Variants in H2AC14 observed in about 807,000 individuals in gnomAD.
H2AC14 encodes the protein histone cluster 1, H2aj.
In H2AC14, 6 loss-of-function variants were observed where a neutral mutation model predicts 5.7. That is an observed-to-expected ratio of 1.05 (90% CI 0.57 to 2.07). The LOEUF is 2.07. Among genes scored for constraint, H2AC14 ranks in the 30% most tolerant of loss-of-function variants. The pLI is 0.00. For synonymous variants in H2AC14, 121 were observed against 79.3 expected, an observed-to-expected ratio of 1.53 and a Z score of -2.80; for missense variants, 136 against 174.6, an observed-to-expected ratio of 0.78 and a Z score of 1.25.
Position 27,814,448 on chromosome 6 carries a change from AGAAGCTTGT to A in H2AC14, c.284_292del (p.Asn95_Leu98delinsMet). Reference sequence around the variant, plus strand: ...ACCCTGTGCGATGGTGACTTTGCCCAGAAGCTTGTTGAGCTCCTCATCGTTGCGGATGGC... The same window carrying A: ...ACCCTGTGCGATGGTGACTTTGCCCATGAGCTCCTCATCGTTGCGGATGGC... On this transcript the variant is annotated inframe_deletion, in exon 1 of 1. Transcript: ENST00000333151. 1 of 1,614,110 alleles carries A rather than the reference AGAAGCTTGT, an allele frequency of 6.2e-7. No homozygotes were observed.
chr6:27,814,671 G>A lies in H2AC14; in HGVS notation c.70C>T (p.Leu24Phe). The A allele has an allele frequency of 1.3e-6, 2 of 1,549,082 alleles. No individual in the cohort carries two copies. Among genetic ancestry groups the A allele is most frequent in the Non-Finnish European group, 8.7e-7 (1 of 1,152,090 alleles). The change falls in exon 1 of 1, where the codon CTT becomes TTT. Residue 24 changes from leucine (L) to phenylalanine (F), a missense_variant. Physicochemically the swap from Leu to Phe is conservative, Grantham distance 22. This residue lies in a region of H2AC14 where 100 missense variants were observed against 152.3 expected (regional missense o/e 0.66). Coordinates refer to ENST00000333151, the MANE Select transcript of H2AC14 (RefSeq NM_021066.3). The part of the protein sequence containing the change: ...KAKTRSSRAG[L>F]QFPVGRVHRL... ...TGCACTCGGCCTACGGGAAACTGAA[G>A]CCCGGCCCGAGAAGAGCGGGTCTTG...
Position 27,814,761 on chromosome 6 carries a change from T to C in H2AC14, c.-21A>G, listed in dbSNP as rs1760627093. ...GACATGGCAAAAGGTCTATTACCTT[T>C]ACGGTCAAGAAAGACTGAAATGAAA... On this transcript the variant is annotated 5_prime_UTR_variant, in exon 1 of 1. Coordinates refer to ENST00000333151, the MANE Select transcript of H2AC14 (RefSeq NM_021066.3). The C allele has an allele frequency of 1.3e-6, 2 of 1,530,392 alleles. No individual in the cohort carries two copies. Among genetic ancestry groups the C allele is most frequent in the Non-Finnish European group, 1.8e-6 (2 of 1,141,458 alleles). The allele number at this position is 1,530,392 out of a possible 1,614,324, so 94.8% of individuals were successfully genotyped here.
rs773548700 is a variant in H2AC14 at position 27,814,767 on chromosome 6, CAAGA to C, written c.-31_-28del. Reference sequence around the variant, plus strand: ...GCAAAAGGTCTATTACCTTTACGGTCAAGAAAGACTGAAATGAAATTGGAAAAAC... The same window carrying C: ...GCAAAAGGTCTATTACCTTTACGGTCAAGACTGAAATGAAATTGGAAAAAC... On this transcript the variant is annotated 5_prime_UTR_variant, in exon 1 of 1. Coordinates refer to ENST00000333151, the MANE Select transcript of H2AC14 (RefSeq NM_021066.3). 9.2e-6 allele frequency: 14 copies of C among 1,524,326 alleles called. No homozygotes were observed. Among genetic ancestry groups the C allele is most frequent in the East Asian group, 2.3e-5 (1 of 44,108 alleles). The allele number at this position is 1,524,326 out of a possible 1,614,324, so 94.4% of individuals were successfully genotyped here.
In H2AC14 at chr6:27,814,715, C is replaced by T. The variant is rs377642129; in HGVS notation, c.26G>A (p.Gly9Asp). 6 of 1,565,366 alleles carry T rather than the reference C, an allele frequency of 3.8e-6. No homozygotes were observed. Among genetic ancestry groups the T allele is most frequent in the African/African-American group, 1.4e-5 (1 of 73,086 alleles). MSGRGKQG[G>D]KARAKAKTRS... is the part of the protein sequence containing the mutation. ...GGTCTTGGCCTTGGCGCGAGCTTTG[C>T]CTCCCTGCTTACCACGCCCAGACAT... Residue 9 changes from glycine to aspartate, a missense_variant, in exon 1 of 1, where the codon GGC becomes GAC. Coordinates refer to ENST00000333151, the MANE Select transcript of H2AC14 (RefSeq NM_021066.3).
In H2AC14 at chr6:27,814,759, T is replaced by C; in HGVS notation, c.-19A>G. On this transcript the variant is annotated 5_prime_UTR_variant, in exon 1 of 1. Transcript: ENST00000333151. ...CAGACATGGCAAAAGGTCTATTACCTTTACGGTCAAGAAAGACTGAAATGA... is the reference window on the plus strand; with the variant it reads ...CAGACATGGCAAAAGGTCTATTACCCTTACGGTCAAGAAAGACTGAAATGA... The C allele has an allele frequency of 3.9e-6, 6 of 1,531,618 alleles. No individual in the cohort carries two copies. The highest frequency in any genetic ancestry group is 5.3e-6 in the Non-Finnish European group (6 of 1,142,086). The allele number at this position is 1,531,618 out of a possible 1,614,324, so 94.9% of individuals were successfully genotyped here.
rs201386125 is a variant in H2AC14, at chr6:27,814,387, T to G, written c.354A>C (p.Pro118=). The G allele has an allele frequency of 1.1e-4, 181 of 1,614,078 alleles. No individual in the cohort carries two copies. In the East Asian group the frequency reaches 3.4e-3, roughly 31 times the overall value. ...VLPNIQAVLL[P]KKTESHHKTK ...TCTTGTGGTGGCTCTCAGTTTTCTTTGGCAGCAGCACGGCCTGGATGTTGG... is the reference window on the plus strand; with the variant it reads ...TCTTGTGGTGGCTCTCAGTTTTCTTGGGCAGCAGCACGGCCTGGATGTTGG... The change falls in exon 1 of 1, where the codon CCA becomes CCC. Residue 118 remains proline, a synonymous_variant. Transcript: ENST00000333151.
In H2AC14 at chr6:27,814,758, C is replaced by G. The variant is rs548481166; in HGVS notation, c.-18G>C. 2 of 1,532,522 alleles carry G rather than the reference C, an allele frequency of 1.3e-6. No homozygotes were observed. The highest frequency in any genetic ancestry group is 1.8e-4 in the Middle Eastern group (1 of 5,690). The allele number at this position is 1,532,522 out of a possible 1,614,324, so 94.9% of individuals were successfully genotyped here. On this transcript the variant is annotated 5_prime_UTR_variant, in exon 1 of 1. Coordinates refer to ENST00000333151, the MANE Select transcript of H2AC14 (RefSeq NM_021066.3). ...CCAGACATGGCAAAAGGTCTATTACCTTTACGGTCAAGAAAGACTGAAATG... is the reference window on the plus strand; with the variant it reads ...CCAGACATGGCAAAAGGTCTATTACGTTTACGGTCAAGAAAGACTGAAATG...
In H2AC14 at chr6:27,814,712, T is replaced by A. The variant is rs1479383786; in HGVS notation, c.29A>T (p.Lys10Ile). MSGRGKQGG[K>I]ARAKAKTRSS... ...GCGGGTCTTGGCCTTGGCGCGAGCT[T>A]TGCCTCCCTGCTTACCACGCCCAGA... Residue 10 changes from lysine (K) to isoleucine (I), a missense_variant, in exon 1 of 1, where the codon AAA (lysine) becomes ATA (isoleucine). Coordinates refer to ENST00000333151, the MANE Select transcript of H2AC14 (RefSeq NM_021066.3). The A allele has an allele frequency of 6.4e-7, 1 of 1,564,826 alleles. No homozygotes were observed.
rs747137197 is a variant in H2AC14 at position 27,814,328 on chromosome 6, T to A, written c.*26A>T. ...GAAGTGGCTCTGAAAAGAGCCTTTG[T>A]TTTTATGCGCTTTTCAACTCGGTCT... On this transcript the variant is annotated 3_prime_UTR_variant, in exon 1 of 1. Transcript: ENST00000333151. 6.2e-7 allele frequency: 1 copy of A among 1,605,852 alleles called. No homozygotes were observed. Among genetic ancestry groups the A allele is most frequent in the South Asian group, 1.1e-5 (1 of 90,170 alleles).
In H2AC14 at chr6:27,814,693, C is replaced by T. The variant is rs775494128; in HGVS notation, c.48G>A (p.Lys16=). ...KQGGKARAKA[K]TRSSRAGLQF... ...GAAGCCCGGCCCGAGAAGAGCGGGT[C>T]TTGGCCTTGGCGCGAGCTTTGCCTC... is the stretch of plus-strand genomic sequence containing the variant. The change falls in exon 1 of 1, where the codon AAG becomes AAA. Residue 16 remains lysine, a synonymous_variant. Coordinates refer to ENST00000333151, the MANE Select transcript of H2AC14 (RefSeq NM_021066.3). 25 of 1,559,426 alleles carry T rather than the reference C, an allele frequency of 1.6e-5. No individual in the cohort carries two copies. The highest frequency in any genetic ancestry group is 2.1e-5 in the Non-Finnish European group (24 of 1,155,398).
At position 27,814,338 on chromosome 6, in the gene H2AC14, C is replaced by G. The variant is rs749658664; in HGVS notation, c.*16G>C. ...TGAAAAGAGCCTTTGTTTTTATGCG[C>G]TTTTCAACTCGGTCTTTACTTAGTC... On this transcript the variant is annotated 3_prime_UTR_variant, in exon 1 of 1. Transcript: ENST00000333151. 6.2e-7 allele frequency: 1 copy of G among 1,608,624 alleles called. No individual in the cohort carries two copies. Among genetic ancestry groups the G allele is most frequent in the Non-Finnish European group, 8.5e-7 (1 of 1,177,752 alleles).
Position 27,814,495 on chromosome 6 carries a change from A to G in H2AC14, c.246T>C (p.Arg82=), listed in dbSNP as rs1760614585. The part of the protein sequence containing the change: ...RDNKKTRIIP[R]HLQLAIRNDE... Reference sequence around the variant, plus strand: ...CGTTGCGGATGGCCAGCTGGAGGTGACGCGGGATGATGCGAGTCTTCTTGT... The same window carrying G: ...CGTTGCGGATGGCCAGCTGGAGGTGGCGCGGGATGATGCGAGTCTTCTTGT... The change falls in exon 1 of 1, where the codon CGT becomes CGC. Residue 82 remains arginine (R), a synonymous_variant. Transcript: ENST00000333151. 2.5e-6 allele frequency: 4 copies of G among 1,612,530 alleles called. No individual in the cohort carries two copies.
rs200310270 is a variant in H2AC14 at position 27,814,381 on chromosome 6, T to C, written c.360A>G (p.Lys120=). 173 of 1,614,028 alleles carry C rather than the reference T, an allele frequency of 1.1e-4. No homozygotes were observed. In the East Asian group the frequency reaches 3.4e-3, roughly 32 times the overall value. The part of the protein sequence containing the change: ...PNIQAVLLPK[K]TESHHKTK ...ACTTAGTCTTGTGGTGGCTCTCAGT[T>C]TTCTTTGGCAGCAGCACGGCCTGGA... Residue 120 remains lysine (K), a synonymous_variant, in exon 1 of 1, where the codon AAA becomes AAG. Transcript: ENST00000333151.
Position 27,814,361 on chromosome 6 carries a change from G to C in H2AC14, c.380C>G (p.Thr127Ser). The change falls in exon 1 of 1, where the codon ACT becomes AGT. Residue 127 changes from threonine to serine, a missense_variant. Transcript: ENST00000333151. ...CGCTTTTCAACTCGGTCTTTACTTA[G>C]TCTTGTGGTGGCTCTCAGTTTTCTT... The part of the protein sequence containing the change: ...LPKKTESHHK[T>S]K 6.2e-7 allele frequency: 1 copy of C among 1,614,086 alleles called. No homozygotes were observed. The highest frequency in any genetic ancestry group is 8.5e-7 in the Non-Finnish European group (1 of 1,179,994).
rs762340073 is a variant in H2AC14 at position 27,814,735 on chromosome 6, A to C, written c.6T>G (p.Ser2=). 2 of 1,559,692 alleles carry C rather than the reference A, an allele frequency of 1.3e-6. No individual in the cohort carries two copies. Among genetic ancestry groups the C allele is most frequent in the East Asian group, 2.2e-5 (1 of 44,462 alleles). ...CTTTGCCTCCCTGCTTACCACGCCC[A>C]GACATGGCAAAAGGTCTATTACCTT... The part of the protein sequence containing the change: M[S]GRGKQGGKAR... Residue 2 remains serine, a synonymous_variant, in exon 1 of 1, where the codon TCT becomes TCG. Coordinates refer to ENST00000333151, the MANE Select transcript of H2AC14 (RefSeq NM_021066.3).
rs781378620 is a variant in H2AC14, at chr6:27,814,329, T to C, written c.*25A>G. On this transcript the variant is annotated 3_prime_UTR_variant, in exon 1 of 1. Coordinates refer to ENST00000333151, the MANE Select transcript of H2AC14 (RefSeq NM_021066.3). ...AAGTGGCTCTGAAAAGAGCCTTTGT[T>C]TTTATGCGCTTTTCAACTCGGTCTT... 8.1e-6 allele frequency: 13 copies of C among 1,606,086 alleles called. No homozygotes were observed. The highest frequency in any genetic ancestry group is 1.1e-5 in the Non-Finnish European group (13 of 1,176,668).
chr6:27,814,330 T>C lies in H2AC14; in HGVS notation c.*24A>G. The C allele has an allele frequency of 6.2e-7, 1 of 1,606,592 alleles. No homozygotes were observed. ...AGTGGCTCTGAAAAGAGCCTTTGTT[T>C]TTATGCGCTTTTCAACTCGGTCTTT... On this transcript the variant is annotated 3_prime_UTR_variant, in exon 1 of 1. Transcript: ENST00000333151.
rs370999596 is a variant in H2AC14, at chr6:27,814,733, C to T, written c.8G>A (p.Gly3Glu). 2 of 1,559,960 alleles carry T rather than the reference C, an allele frequency of 1.3e-6. No individual in the cohort carries two copies. Among genetic ancestry groups the T allele is most frequent in the Non-Finnish European group, 1.7e-6 (2 of 1,155,758 alleles). Residue 3 changes from glycine to glutamate, a missense_variant, in exon 1 of 1, where the codon GGG becomes GAG. Gly to Glu is a moderately conservative substitution (Grantham distance 98). Transcript: ENST00000333151. ...AGCTTTGCCTCCCTGCTTACCACGC[C>T]CAGACATGGCAAAAGGTCTATTACC... The part of the protein sequence containing the change: MS[G>E]RGKQGGKARA...
rs1352051271 is a variant in H2AC14, at chr6:27,814,380, T to A, written c.361A>T (p.Thr121Ser). ...TACTTAGTCTTGTGGTGGCTCTCAG[T>A]TTTCTTTGGCAGCAGCACGGCCTGG... is the stretch of plus-strand genomic sequence containing the variant. ...NIQAVLLPKK[T>S]ESHHKTK Residue 121 changes from threonine (T) to serine (S), a missense_variant, in exon 1 of 1, where the codon ACT becomes TCT. Thr to Ser is a moderately conservative substitution (Grantham distance 58). Around this residue, in one of 2 missense-constraint regions of H2AC14, gnomAD observed 100 missense variants for 152.3 expected, o/e 0.66. Coordinates refer to ENST00000333151, the MANE Select transcript of H2AC14 (RefSeq NM_021066.3). The A allele has an allele frequency of 1.2e-6, 2 of 1,614,138 alleles. No individual in the cohort carries two copies.
Sources: gnomAD v4.1 joint callset for allele counts on GRCh38, gnomAD v4.1.1 for gene constraint, gnomAD v4.1.1 regional missense constraint, MANE v1.5 for transcripts, NCBI Gene and HGNC (gene_info 2026-07-23, HGNC 2026-07-21) for gene names.